The following CNTNAP3B variants were observed in gnomAD, a reference collection of about 807,000 sequenced individuals.
The protein encoded by CNTNAP3B is contactin-associated protein-like 3B.
A neutral mutation model predicts 108.9 loss-of-function variants in CNTNAP3B; 25 were observed. That is an observed-to-expected ratio of 0.23 (90% CI 0.17 to 0.32). The LOEUF is 0.32. Ranked by LOEUF, CNTNAP3B falls within the 10% of genes least tolerant of loss-of-function variation. The pLI is 1.00. For missense variants in CNTNAP3B, 252 were observed against 1,210.4 expected (o/e 0.21, Z 11.75); for synonymous variants, 103 against 473.4 (o/e 0.22, Z 10.16).
chr9:41,950,948 G>T (rs569307222), intron 13 of CNTNAP3B, among the ~76,000 whole-genome samples: 570 of 144,124 alleles, frequency 4.0e-3, no homozygotes, highest in Middle Eastern at 6.9e-3. Flanking sequence ...GTAGAGACGG[G>T]GTTTCATCGT....
At chr9:41,917,253 T>A (rs1372247915) in intron 18 of CNTNAP3B, among the ~76,000 whole-genome samples, 1 of 148,722 alleles carries the variant, frequency 6.7e-6, no homozygotes, top group Non-Finnish European at 1.5e-5. Flanking sequence ...GGATACATAA[T>A]CTCTACTGAT....
chr9:41,940,399 A>T (rs1824300292), intron 13 of CNTNAP3B, among the ~76,000 whole-genome samples: 1 of 152,306 alleles, frequency 6.6e-6, no homozygotes, highest in Non-Finnish European at 1.5e-5. Context: ...GAATGATAGT[A>T]GATTACTCAT....
At chr9:41,925,794 C>CT (rs1167804361) in intron 15 of CNTNAP3B, among the ~76,000 whole-genome samples, 10,795 of 147,560 alleles carry the variant, frequency 0.073, 23 homozygotes, top group Middle Eastern at 0.14. Flanking sequence ...CCTTTTTCAG[C>CT]TTTTTTTTTC....
chr9:42,091,988 C>T lies in CNTNAP3B; in HGVS notation c.196+12641G>A, dbSNP rs1393592898. Among the ~76,000 whole-genome samples, 2 of 116,756 alleles carry T rather than the reference C, an allele frequency of 1.7e-5. 1 individual carries two copies. Among genetic ancestry groups the T allele is most frequent in the African/African-American group, 7.0e-5 (2 of 28,392 alleles). 76.6% of individuals were successfully genotyped at this position (116,756 alleles called of 152,430 possible). A position where few individuals can be genotyped will look rare whatever the true frequency, so the allele number is the denominator to read the frequency against. ...TCTGACTTTTTTCTGGTTTATTTTCCTTTTTAATTTTTAATTTTTGTGGGT... is the reference window on the plus strand; with the variant it reads ...TCTGACTTTTTTCTGGTTTATTTTCTTTTTTAATTTTTAATTTTTGTGGGT... On this transcript the variant is annotated intron_variant, in intron 2 of 23. Transcript: ENST00000377561.
At chr9:41,973,183 G>T (rs1274468948) in intron 9 of CNTNAP3B, among the ~76,000 whole-genome samples, 1 of 143,066 alleles carries the variant, frequency 7.0e-6, no homozygotes, top group African/African-American at 2.6e-5. Flanking sequence ...TCCTGACCTC[G>T]TGATCCACCT....
At chr9:42,035,414 C>T (rs1249975664) in intron 3 of CNTNAP3B, among the ~76,000 whole-genome samples, 11 of 146,266 alleles carry the variant, frequency 7.5e-5, no homozygotes, top group South Asian at 6.7e-4. Context: ...TCACCCAGAT[C>T]TGCCTAACCT....
At chr9:41,943,529 T>A (rs1040907142) in intron 13 of CNTNAP3B, among the ~76,000 whole-genome samples, 1 of 151,880 alleles carries the variant, frequency 6.6e-6, no homozygotes, top group African/African-American at 2.4e-5. Context: ...ATTTTTTGTA[T>A]TTTTAGTAGA....
chr9:41,972,527 TCTTTAA>T (rs1219941309), intron 9 of CNTNAP3B, among the ~76,000 whole-genome samples: 1 of 138,710 alleles, frequency 7.2e-6, no homozygotes, highest in Non-Finnish European at 1.5e-5. Flanking sequence ...AAGCTTTATC[TCTTTAA>T]CTTTAATACT....
At chr9:41,918,401 G>T (rs926359230) in intron 18 of CNTNAP3B, among the ~76,000 whole-genome samples, 4 of 146,600 alleles carry the variant, frequency 2.7e-5, no homozygotes, top group Non-Finnish European at 4.5e-5. Flanking sequence ...CTTTATGAAA[G>T]GTTGATATTT....
intron 1 of CNTNAP3B, among the ~76,000 whole-genome samples, chr9:42,122,511 T>A (rs2118748533): frequency 7.9e-6 from 1 of 127,128 alleles, no homozygotes; most frequent in Admixed American, 8.1e-5. Flanking sequence ...GTACAGCAGT[T>A]CAAATTAGCA....
At chr9:42,121,930 C>T (rs1828472394) in intron 1 of CNTNAP3B, among the ~76,000 whole-genome samples, 1 of 140,254 alleles carries the variant, frequency 7.1e-6, no homozygotes, top group Non-Finnish European at 1.5e-5. Context: ...GACTGTATTA[C>T]TTACAGCATA....
chr9:42,084,327 C>A (rs1262921895), intron 2 of CNTNAP3B, among the ~76,000 whole-genome samples: 1 of 120,686 alleles, frequency 8.3e-6, no homozygotes, highest in South Asian at 2.6e-4. Flanking sequence ...GGGTGATGTG[C>A]AAATGGGGCA....
At chr9:42,125,398 C>T (rs1828544149) in intron 1 of CNTNAP3B, among the ~76,000 whole-genome samples, 1 of 141,928 alleles carries the variant, frequency 7.0e-6, no homozygotes, top group Non-Finnish European at 1.5e-5. Context: ...CCTTACCCTG[C>T]TGGTTTCTGA....
intron 2 of CNTNAP3B, among the ~76,000 whole-genome samples, chr9:42,091,698 CAA>C (rs1827817655): frequency 2.2e-5 from 1 of 45,238 alleles, no homozygotes; most frequent in African/African-American, 9.0e-5. Context: ...ACTATTTTGG[CAA>C]GCAATCTAAA....
chr9:41,926,460 C>A (rs1245215924), intron 15 of CNTNAP3B, among the ~76,000 whole-genome samples: 1 of 152,274 alleles, frequency 6.6e-6, no homozygotes, highest in African/African-American at 2.4e-5. Context: ...CTTCATTAAT[C>A]AATTTATTTA....
intron 3 of CNTNAP3B, among the ~76,000 whole-genome samples, chr9:42,074,928 G>T (rs1164598970): frequency 6.9e-6 from 1 of 144,878 alleles, no homozygotes; most frequent in African/African-American, 2.7e-5. Context: ...CTGTAACAAA[G>T]TGCCACAAAC....
chr9:41,931,243 G>T (rs1823969831), intron 14 of CNTNAP3B, among the ~76,000 whole-genome samples: 1 of 152,286 alleles, frequency 6.6e-6, no homozygotes, highest in Non-Finnish European at 1.5e-5. Context: ...GTGCTATTTT[G>T]ATACTAGAAT....
Position 42,082,846 on chromosome 9 carries a change from C to A in CNTNAP3B, c.197-5784G>T, listed in dbSNP as rs1253705217. Reference sequence around the variant, plus strand: ...TTAGACTTAAAATTAATCATATAAACAATCATATTAAAGGTAAGTAGTGCA... The same window carrying A: ...TTAGACTTAAAATTAATCATATAAAAAATCATATTAAAGGTAAGTAGTGCA... On this transcript the variant is annotated intron_variant, in intron 2 of 23. Transcript: ENST00000377561. Among the ~76,000 whole-genome samples the A allele has an allele frequency of 3.5e-5, 5 of 141,414 alleles. 1 individual carries two copies. The East Asian group carries it at 6.3e-4, about 18-fold the overall frequency. 92.8% of individuals were successfully genotyped at this position (141,414 alleles called of 152,430 possible).
At chr9:42,123,575 G>T (rs1828507619) in intron 1 of CNTNAP3B, among the ~76,000 whole-genome samples, 1 of 125,504 alleles carries the variant, frequency 8.0e-6, no homozygotes, top group Admixed American at 8.2e-5. Context: ...GAGATCTCTT[G>T]AACCGGCCAG....
Sources: gnomAD v4.1 joint callset for allele counts (sites outside exome capture counted in the v4.1 genomes callset) on GRCh38, gnomAD v4.1.1 for gene constraint, MANE v1.5 for transcripts, NCBI Gene and HGNC (gene_info 2026-07-23, HGNC 2026-07-21) for gene names.